USF3: variants seen among roughly 807,000 people sequenced by gnomAD.
USF3 encodes basic helix-loop-helix domain-containing protein USF3.
USF3 carries 29 observed loss-of-function variants against 157.5 expected under a neutral mutation model. The observed-to-expected ratio is 0.18, with a 90% CI of 0.14 to 0.25. USF3 has a LOEUF of 0.25. Among genes scored for constraint, USF3 ranks in the 10% least tolerant of loss-of-function variants. The probability of loss-of-function intolerance (pLI) is 1.00; values close to 1 mark genes in which losing one functional copy is unlikely to be tolerated. For missense variants in USF3, 2,381 were observed against 2,667.6 expected (o/e 0.89, Z 2.37); for synonymous variants, 893 against 941.4 (o/e 0.95, Z 0.94).
chr3:113,674,912 A>G lies in USF3; in HGVS notation c.-18-16T>C, dbSNP rs756233170. ...TAATAGGAACCTACAGAAGGATAGA[A>G]AGACACACCAGAAAGCTTAGTCATT... is the stretch of plus-strand genomic sequence containing the variant. On this transcript the variant is annotated splice_polypyrimidine_tract_variant and intron_variant, in intron 2 of 6. Coordinates refer to ENST00000316407, the MANE Select transcript of USF3 (RefSeq NM_001009899.4). 1.2e-5 allele frequency: 18 copies of G among 1,514,672 alleles called. No individual in the cohort carries two copies. The highest frequency in any genetic ancestry group is 1.7e-4 in the Middle Eastern group (1 of 5,844). 93.8% of individuals were successfully genotyped at this position (1,514,672 alleles called of 1,614,324 possible).
Position 113,660,251 on chromosome 3 carries a change from G to T in USF3, c.1431C>A (p.Asp477Glu), listed in dbSNP as rs778582565. The change falls in exon 7 of 7, where the codon GAC becomes GAA. Residue 477 changes from aspartate to glutamate, a missense_variant. This residue lies in a region of USF3 where 1,435 missense variants were observed against 1,550.9 expected (regional missense o/e 0.93). Transcript: ENST00000316407. ...CTGGAAAGGAATTATTCAAGTTGAT[G>T]TCTGTAGCCACATATCTACTGTGGT... is the stretch of plus-strand genomic sequence containing the variant. ...TSNHSRYVAT[D>E]INLNNSFPAD... is the part of the protein sequence containing the mutation. 1.2e-6 allele frequency: 2 copies of T among 1,614,198 alleles called. No homozygotes were observed. Among genetic ancestry groups the T allele is most frequent in the Admixed American group, 3.3e-5 (2 of 60,024 alleles).
Position 113,657,937 on chromosome 3 carries a change from TGCTCTGATG to T in USF3, c.3736_3744del (p.His1246_Ser1248del). 1 of 1,614,204 alleles carries T rather than the reference TGCTCTGATG, an allele frequency of 6.2e-7. No individual in the cohort carries two copies. Among genetic ancestry groups the T allele is most frequent in the Non-Finnish European group, 8.5e-7 (1 of 1,180,034 alleles). ...CAGCTGGCCAGAGGATGGCTGATGC[TGCTCTGATG>T]GATAAGATTATTCACACTTAAACTG... On this transcript the variant is annotated inframe_deletion, in exon 7 of 7. Coordinates refer to ENST00000316407, the MANE Select transcript of USF3 (RefSeq NM_001009899.4).
Position 113,673,368 on chromosome 3 carries a change from T to G in USF3, c.56A>C (p.Asn19Thr). The G allele has an allele frequency of 6.2e-7, 1 of 1,600,794 alleles. No homozygotes were observed. The highest frequency in any genetic ancestry group is 8.5e-7 in the Non-Finnish European group (1 of 1,170,152). The part of the protein sequence containing the change: ...TPTKKQHRKK[N>T]RETHNAVERH... Reference sequence around the variant, plus strand: ...TCTACCTGCATTGTGTGTCTCCCGGTTTTTCTTTCTGAAACAAAAAGTACA... The same window carrying G: ...TCTACCTGCATTGTGTGTCTCCCGGGTTTTCTTTCTGAAACAAAAAGTACA... Residue 19 changes from asparagine (N) to threonine (T), a missense_variant, in exon 4 of 7, where the codon AAC (asparagine) becomes ACC (threonine). Asn to Thr is a moderately conservative substitution (Grantham distance 65). Transcript: ENST00000316407.
At position 113,664,401 on chromosome 3, in the gene USF3, A is replaced by T; in HGVS notation, c.168T>A (p.Asn56Lys). 6.3e-7 allele frequency: 1 copy of T among 1,589,930 alleles called. No homozygotes were observed. The highest frequency in any genetic ancestry group is 8.6e-7 in the Non-Finnish European group (1 of 1,167,840). The part of the protein sequence containing the change: ...PCSPALKQSK[N>K]MILDQAFKYI... ...ATTTAAAGGCTTGGTCCAGGATCAT[A>T]TTCTTGCTCTGTCCAAGAAAATTTT... The change falls in exon 6 of 7, where the codon AAT becomes AAA. Residue 56 changes from asparagine (N) to lysine (K), a missense_variant. Around this residue, in one of 6 missense-constraint regions of USF3, gnomAD observed 105 missense variants for 158.6 expected, o/e 0.66. Transcript: ENST00000316407.
chr3:113,657,269 CTGCTGCT>C lies in USF3; in HGVS notation c.4406_4412del (p.Gln1469ArgfsTer12). On this transcript the variant is annotated frameshift_variant, in exon 7 of 7. Coordinates refer to ENST00000316407, the MANE Select transcript of USF3 (RefSeq NM_001009899.4). LOFTEE classifies it high-confidence loss of function. ...CTGCTTGTTGTTGTTGCTGTTGCTG[CTGCTGCT>C]GCTGCTGCTGCTGCTGCTGCTGCTT... 2.5e-6 allele frequency: 1 copy of C among 395,396 alleles called. No homozygotes were observed. Among genetic ancestry groups the C allele is most frequent in the Non-Finnish European group, 3.5e-6 (1 of 288,028 alleles). The allele number at this position is 395,396 out of a possible 1,614,324, so 24.5% of individuals were successfully genotyped here. A position where few individuals can be genotyped will look rare whatever the true frequency, so the allele number is the denominator to read the frequency against.
chr3:113,694,775 C>T (rs1396781240), intron 1 of USF3, among the ~76,000 whole-genome samples: 4 of 152,208 alleles, frequency 2.6e-5, no homozygotes, highest in African/African-American at 9.6e-5. Flanking sequence ...CCGGGCGCAG[C>T]GGCTCATGCC....
rs1418926596 is a variant in USF3, at chr3:113,650,577, T to C, written c.*4367A>G. On this transcript the variant is annotated 3_prime_UTR_variant, in exon 7 of 7. Transcript: ENST00000316407. ...AAGAAGATGCATATTCATAAGATTTTACCCTTTCTCAAAATTTTTTAATTT... is the reference window on the plus strand; with the variant it reads ...AAGAAGATGCATATTCATAAGATTTCACCCTTTCTCAAAATTTTTTAATTT... 2 of 152,238 alleles carry C rather than the reference T, an allele frequency of 1.3e-5. No individual in the cohort carries two copies. The highest frequency in any genetic ancestry group is 2.9e-5 in the Non-Finnish European group (2 of 68,036). 9.4% of individuals were successfully genotyped at this position (152,238 alleles called of 1,614,324 possible).
chr3:113,686,184 C>G (rs1384269499), intron 1 of USF3, among the ~76,000 whole-genome samples: 4 of 152,160 alleles, frequency 2.6e-5, no homozygotes, highest in Admixed American at 2.6e-4. Context: ...ATGGAAGATT[C>G]CCCTCTGGCA....
rs1224226532 is a variant in USF3 at position 113,648,701 on chromosome 3, A to G, written c.*6243T>C. On this transcript the variant is annotated 3_prime_UTR_variant, in exon 7 of 7. Coordinates refer to ENST00000316407, the MANE Select transcript of USF3 (RefSeq NM_001009899.4). ...CAGGAGATTTACAGTAATAGGACACAGTGTGCAGCAGACACTGCTGCCATG... is the reference window on the plus strand; with the variant it reads ...CAGGAGATTTACAGTAATAGGACACGGTGTGCAGCAGACACTGCTGCCATG... 6.6e-6 allele frequency: 1 copy of G among 152,604 alleles called. No individual in the cohort carries two copies. Among genetic ancestry groups the G allele is most frequent in the African/African-American group, 2.4e-5 (1 of 41,454 alleles). The allele number at this position is 152,604 out of a possible 1,614,324, so 9.5% of individuals were successfully genotyped here.
intron 5 of USF3, among the ~76,000 whole-genome samples, chr3:113,666,131 C>T (rs544951886): frequency 4.7e-5 from 7 of 149,892 alleles, no homozygotes; most frequent in African/African-American, 1.7e-4. Context: ...TTGTGGTGAG[C>T]CGAGATTGTG....
At chr3:113,684,510 A>G (rs1245442321) in intron 1 of USF3, among the ~76,000 whole-genome samples, 1 of 151,856 alleles carries the variant, frequency 6.6e-6, no homozygotes, top group Non-Finnish European at 1.5e-5. Context: ...TTTTGAAGCT[A>G]TTTTCTAAAT....
Position 113,658,548 on chromosome 3 carries a change from A to T in USF3, c.3134T>A (p.Leu1045Ter). Residue 1045 changes from leucine to a stop codon, truncating the protein, a stop_gained, in exon 7 of 7, where the codon TTA becomes TAA. Transcript: ENST00000316407. LOFTEE classifies it high-confidence loss of function. ...CAGTAATAGTTCCTGTTTGGGATGT[A>T]AATTCACACTTGAATCAACTATTTT... is the stretch of plus-strand genomic sequence containing the variant. ...NPKIVDSSVN[L>*]HPKQELLLMN... 1 of 1,614,128 alleles carries T rather than the reference A, an allele frequency of 6.2e-7. No individual in the cohort carries two copies. The highest frequency in any genetic ancestry group is 8.5e-7 in the Non-Finnish European group (1 of 1,179,986).
chr3:113,676,570 A>G (rs1472322469), intron 2 of USF3, among the ~76,000 whole-genome samples: 1 of 152,182 alleles, frequency 6.6e-6, no homozygotes, highest in African/African-American at 2.4e-5. Flanking sequence ...GGCCCCTCCC[A>G]TGACACATGG....
Position 113,657,942 on chromosome 3 carries a change from T to C in USF3, c.3740A>G (p.Gln1247Arg), listed in dbSNP as rs900615833. The change falls in exon 7 of 7, where the codon CAG becomes CGG. Residue 1247 changes from glutamine (Q) to arginine (R), a missense_variant. Gln to Arg is a conservative substitution (Grantham distance 43). This residue lies in a region of USF3 where 1,435 missense variants were observed against 1,550.9 expected (regional missense o/e 0.93). Coordinates refer to ENST00000316407, the MANE Select transcript of USF3 (RefSeq NM_001009899.4). ...TSLSVNNLIH[Q>R]SSISHPLASC... is the part of the protein sequence containing the mutation. Reference sequence around the variant, plus strand: ...GGCCAGAGGATGGCTGATGCTGCTCTGATGGATAAGATTATTCACACTTAA... The same window carrying C: ...GGCCAGAGGATGGCTGATGCTGCTCCGATGGATAAGATTATTCACACTTAA... The C allele has an allele frequency of 1.6e-5, 26 of 1,614,082 alleles. No individual in the cohort carries two copies. Among genetic ancestry groups the C allele is most frequent in the Non-Finnish European group, 2.2e-5 (26 of 1,180,040 alleles).
chr3:113,667,410 A>G (rs1236044324), intron 5 of USF3, among the ~76,000 whole-genome samples: 1 of 152,230 alleles, frequency 6.6e-6, no homozygotes, highest in Non-Finnish European at 1.5e-5. Flanking sequence ...AGAAACTCGC[A>G]GGGATGAAAG....
chr3:113,679,324 G>A (rs140376064), intron 1 of USF3, among the ~76,000 whole-genome samples: 542 of 151,328 alleles, frequency 3.6e-3, no homozygotes, highest in Non-Finnish European at 5.9e-3. Flanking sequence ...TAAATCTTAC[G>A]TATAATATTC....
In USF3 at chr3:113,659,602, TGGGTTGAATAATTTGCATA is replaced by T; in HGVS notation, c.2061_2079del (p.Met688ProfsTer12). ...TTGGTATTTGGATCTTCGCTGGTGG[TGGGTTGAATAATTTGCATA>T]GGGGTTTGATTTGTAGTTCCTGATG... is the stretch of plus-strand genomic sequence containing the variant. On this transcript the variant is annotated frameshift_variant, in exon 7 of 7. Transcript: ENST00000316407. LOFTEE classifies it high-confidence loss of function. The T allele has an allele frequency of 6.2e-7, 1 of 1,614,028 alleles. No individual in the cohort carries two copies. Among genetic ancestry groups the T allele is most frequent in the Non-Finnish European group, 8.5e-7 (1 of 1,179,866 alleles).
chr3:113,662,787 G>A (rs907952653), intron 6 of USF3, among the ~76,000 whole-genome samples: 4 of 152,058 alleles, frequency 2.6e-5, no homozygotes, highest in Admixed American at 1.3e-4. Flanking sequence ...CTAAGTTCTT[G>A]TATTATCTCT....
chr3:113,683,643 A>G (rs1433759715), intron 1 of USF3, among the ~76,000 whole-genome samples: 1 of 151,698 alleles, frequency 6.6e-6, no homozygotes, highest in African/African-American at 2.4e-5. Context: ...TGATTTTTAT[A>G]TTTTTAGTAG....
Sources: gnomAD v4.1 joint callset for allele counts (sites outside exome capture counted in the v4.1 genomes callset) on GRCh38, gnomAD v4.1.1 for gene constraint, gnomAD v4.1.1 regional missense constraint, MANE v1.5 for transcripts, NCBI Gene and HGNC (gene_info 2026-07-23, HGNC 2026-07-21) for gene names.